The following GPHN variants were observed in gnomAD, a reference collection of about 807,000 sequenced individuals.
GPHN encodes gephyrin.
Under a neutral mutation model 95.5 loss-of-function variants are expected in GPHN, and 17 were observed. The ratio of observed to expected loss-of-function variants is 0.18; its 90% confidence interval spans 0.12 to 0.27. The LOEUF is 0.27. Among genes scored for constraint, GPHN ranks in the 10% least tolerant of loss-of-function variants. GPHN has a pLI of 1.00. For missense variants in GPHN, 660 were observed against 978.1 expected (o/e 0.67, Z 4.34); for synonymous variants, 320 against 322.5 (o/e 0.99, Z 0.08).
At chr14:66,674,533 T>A (rs528158193) in intron 1 of GPHN, among the ~76,000 whole-genome samples, 4 of 152,234 alleles carry the variant, frequency 2.6e-5, no homozygotes, top group Non-Finnish European at 5.9e-5. Context: ...TTGTTTTTAA[T>A]GGATACTACA....
chr14:67,308,323 T>TC, the GPHN span, among the ~76,000 whole-genome samples: 13 of 150,568 alleles, frequency 8.6e-5, no homozygotes, highest in African/African-American at 3.2e-4. Context: ...CCTTTTTTTT[T>TC]TTTTTCTTTT....
chr14:67,224,086 C>T, the GPHN span: 1 of 799,262 alleles, frequency 1.3e-6, no homozygotes, highest in South Asian at 5.7e-5. Flanking sequence ...ATCTCAAATT[C>T]ATCTCTCAAA....
chr14:67,065,568 C>T (rs151313731), intron 11 of GPHN, among the ~76,000 whole-genome samples: 58 of 152,178 alleles, frequency 3.8e-4, no homozygotes, highest in African/African-American at 1.3e-3. Context: ...GAGTCGAAGT[C>T]TCTTTGTAGG....
the GPHN span, among the ~76,000 whole-genome samples, chr14:67,475,757 G>A: frequency 6.6e-6 from 1 of 152,168 alleles, no homozygotes; most frequent in African/African-American, 2.4e-5. Context: ...AACCCCACCA[G>A]TCTTCAACGC....
intron 17 of GPHN, among the ~76,000 whole-genome samples, chr14:67,138,449 C>T (rs1183515059): frequency 6.6e-6 from 1 of 152,058 alleles, no homozygotes; most frequent in Non-Finnish European, 1.5e-5. Flanking sequence ...ACTGTTTTCT[C>T]TCTATTATAT....
chr14:67,428,522 A>G, the GPHN span, among the ~76,000 whole-genome samples: 1 of 152,270 alleles, frequency 6.6e-6, no homozygotes, highest in African/African-American at 2.4e-5. Flanking sequence ...TTTGAGGCCC[A>G]GAAAAGTTAA....
At chr14:67,102,267 A>C (rs2077752297) in intron 13 of GPHN, among the ~76,000 whole-genome samples, 1 of 152,178 alleles carries the variant, frequency 6.6e-6, no homozygotes, top group African/African-American at 2.4e-5. Context: ...ATGGAACTAG[A>C]AGGAAACCAA....
the GPHN span, among the ~76,000 whole-genome samples, chr14:67,267,895 A>G: frequency 1.3e-5 from 2 of 152,112 alleles, no homozygotes; most frequent in African/African-American, 4.8e-5. Flanking sequence ...ATATGTCAGT[A>G]GTTTGTCCTT....
chr14:66,657,670 A>G (rs2065384124), intron 1 of GPHN, among the ~76,000 whole-genome samples: 1 of 152,184 alleles, frequency 6.6e-6, no homozygotes, highest in Non-Finnish European at 1.5e-5. Flanking sequence ...AAATGAAACA[A>G]CAAAGCTAAA....
At chr14:66,789,917 G>A (rs2059913081) in intron 3 of GPHN, among the ~76,000 whole-genome samples, 1 of 152,112 alleles carries the variant, frequency 6.6e-6, no homozygotes, top group Non-Finnish European at 1.5e-5. Flanking sequence ...CTCATAATGT[G>A]AAGTAATTTC....
chr14:66,803,626 C>T (rs1442264234), intron 3 of GPHN, among the ~76,000 whole-genome samples: 1 of 152,132 alleles, frequency 6.6e-6, no homozygotes, highest in Non-Finnish European at 1.5e-5. Context: ...TTTCTGGAAT[C>T]CAATTATACT....
At chr14:66,583,866 C>G (rs1375908000) in intron 1 of GPHN, among the ~76,000 whole-genome samples, 1 of 151,794 alleles carries the variant, frequency 6.6e-6, no homozygotes, top group Non-Finnish European at 1.5e-5. Context: ...CTTGGCAATG[C>G]GGGCTCTTTT....
chr14:66,651,071 C>T (rs2065017104), intron 1 of GPHN, among the ~76,000 whole-genome samples: 1 of 152,162 alleles, frequency 6.6e-6, no homozygotes, highest in South Asian at 2.1e-4. Context: ...TTCTCTAATA[C>T]ACAGGAGTGA....
chr14:67,200,058 A>G, the GPHN span: 1 of 921,458 alleles, frequency 1.1e-6, no homozygotes, highest in Non-Finnish European at 1.7e-6. Flanking sequence ...GGGGACAGCC[A>G]CCACCCCAAC....
chr14:67,694,058 T>A, the GPHN span, among the ~76,000 whole-genome samples: 1 of 152,204 alleles, frequency 6.6e-6, no homozygotes, highest in African/African-American at 2.4e-5. Context: ...CTTGGCAATG[T>A]TGGGACTCTG....
chr14:67,325,689 C>A, the GPHN span, among the ~76,000 whole-genome samples: 1 of 152,138 alleles, frequency 6.6e-6, no homozygotes, highest in Non-Finnish European at 1.5e-5. Flanking sequence ...TCCTGTTCAG[C>A]CTAATTTTCC....
chr14:67,327,232 A>G, the GPHN span, among the ~76,000 whole-genome samples: 1 of 152,172 alleles, frequency 6.6e-6, no homozygotes, highest in African/African-American at 2.4e-5. Context: ...ACATTCATAA[A>G]GTCTTTTTGT....
chr14:67,532,502 T>A, the GPHN span, among the ~76,000 whole-genome samples: 12,836 of 152,134 alleles, frequency 0.084, 677 homozygotes, highest in East Asian at 0.13. Flanking sequence ...GATCTGCAAA[T>A]GTCTGAGAAC....
chr14:67,162,797 A>G (rs2082045615), intron 19 of GPHN, among the ~76,000 whole-genome samples: 1 of 152,190 alleles, frequency 6.6e-6, no homozygotes, highest in Non-Finnish European at 1.5e-5. Context: ...CTACATAACC[A>G]TCCTGTGAGA....
Sources: allele counts gnomAD v4.1 joint callset (sites outside exome capture counted in the v4.1 genomes callset), GRCh38; gene constraint gnomAD v4.1.1; transcripts MANE v1.5; gene names NCBI Gene and HGNC (gene_info 2026-07-23, HGNC 2026-07-21).